The following ANKRD39 variants were observed in gnomAD, a reference collection of about 807,000 sequenced individuals.
ANKRD39 encodes ankyrin repeat domain 39.
In ANKRD39, 18 loss-of-function variants were observed where a neutral mutation model predicts 20.3. The ratio of observed to expected loss-of-function variants is 0.89; its 90% CI spans 0.61 to 1.32. The LOEUF (loss-of-function observed/expected upper bound fraction) is 1.32, where lower values mean the gene tolerates loss of function less well. ANKRD39 is among the 40% of genes most tolerant of loss of function. ANKRD39 has a pLI of 0.00. For synonymous variants in ANKRD39, 106 were observed against 111.9 expected (o/e 0.95, Z 0.33); for missense variants, 243 against 250.7 (o/e 0.97, Z 0.21).
chr2:96,856,933 G>GCTGC (rs1197347682), intron 1 of ANKRD39, among the ~76,000 whole-genome samples: 15 of 152,154 alleles, frequency 9.9e-5, no homozygotes, highest in Admixed American at 9.8e-4. Flanking sequence ...GTAGTGATTG[G>GCTGC]GGGAAGAAAA....
At position 96,848,246 on chromosome 2, in the gene ANKRD39, G is replaced by A; in HGVS notation, c.*55C>T. On this transcript the variant is annotated 3_prime_UTR_variant, in exon 4 of 4. Coordinates refer to ENST00000393537, the MANE Select transcript of ANKRD39 (RefSeq NM_016466.6). The stretch of plus-strand genomic sequence containing the variant: ...AGCATGGATGCTGACCAAGGCAGGG[G>A]CTTGGAGAACTGGTCTGTGTACCCT... 1 of 1,598,678 alleles carries A rather than the reference G, an allele frequency of 6.3e-7. No individual in the cohort carries two copies. The highest frequency in any genetic ancestry group is 8.6e-7 in the Non-Finnish European group (1 of 1,169,460).
chr2:96,853,645 G>A (rs2079849598), intron 2 of ANKRD39, 41 bp from the exon 3 acceptor site: 3 of 1,593,526 alleles, frequency 1.9e-6, no homozygotes, highest in Non-Finnish European at 2.6e-6. Flanking sequence ...GAGAAGCCAG[G>A]CAGGTGACAA....
intron 3 of ANKRD39, among the ~76,000 whole-genome samples, chr2:96,848,846 T>C (rs762376564): frequency 1.3e-5 from 2 of 151,980 alleles, no homozygotes; most frequent in Non-Finnish European, 2.9e-5. Context: ...CTCATGGAAA[T>C]AGACACAGCT....
At position 96,857,944 on chromosome 2, in the gene ANKRD39, T is replaced by G. The variant is rs1559026617; in HGVS notation, c.44A>C (p.His15Pro). 1 of 1,580,444 alleles carries G rather than the reference T, an allele frequency of 6.3e-7. No homozygotes were observed. The highest frequency in any genetic ancestry group is 2.3e-5 in the East Asian group (1 of 43,796). ...CTGTACGCCGAGCACCGCGCTGGGA[T>G]GCGAGCAGCAGGGCCCGTCCGCGCA... Reference protein sequence around the residue: ...RPCADGPCCSHPSAVLGVQQT... With the variant: ...RPCADGPCCSPPSAVLGVQQT... Residue 15 changes from histidine to proline, a missense_variant, in exon 1 of 4, where the codon CAT (histidine) becomes CCT (proline). Physicochemically the swap from His to Pro is moderately conservative, Grantham distance 77. Transcript: ENST00000393537.
chr2:96,857,469 G>A lies in ANKRD39; in HGVS notation c.100+419C>T, dbSNP rs75285891. Among the ~76,000 whole-genome samples the A allele has an allele frequency of 2.2e-3, 331 of 152,346 alleles. 13 individuals carry two copies. In the East Asian group the frequency reaches 0.055, roughly 25 times the overall value. On this transcript the variant is annotated intron_variant, in intron 1 of 3. Transcript: ENST00000393537. ...GCATGCAGGCTGCCTGGCACCCGGG[G>A]CTAAACAAAGGCCACTGCTCTCCTT...
At chr2:96,853,686 C>T in intron 2 of ANKRD39, 82 bp from the exon 3 acceptor site, 1 of 1,386,134 alleles carries the variant, frequency 7.2e-7, no homozygotes, top group Non-Finnish European at 1.0e-6. Context: ...CATGGCCTCC[C>T]TGCAGCGAGG....
In ANKRD39 at chr2:96,857,892, C is replaced by A; in HGVS notation, c.96G>T (p.Glu32Asp). The A allele has an allele frequency of 6.3e-7, 1 of 1,579,592 alleles. No homozygotes were observed. The highest frequency in any genetic ancestry group is 2.3e-5 in the East Asian group (1 of 43,770). Residue 32 changes from glutamate to aspartate, a missense_variant, in exon 1 of 4, where the codon GAG becomes GAT. Coordinates refer to ENST00000393537, the MANE Select transcript of ANKRD39 (RefSeq NM_016466.6). The stretch of plus-strand genomic sequence containing the variant: ...AGGGCCGCGCGGCAGCCTCACCCCT[C>A]TCGAAGTCCATCTCCTCCAGCGTCT... ...VQQTLEEMDF[E>D]RGIWSAALNG...
chr2:96,854,512 T>C (rs1482399435), intron 1 of ANKRD39, 71 bp from the exon 2 acceptor site: 12 of 1,400,716 alleles, frequency 8.6e-6, no homozygotes, highest in Non-Finnish European at 1.2e-5. Context: ...CCTCTTGACC[T>C]CAGTTTTCTT....
At chr2:96,854,169 C>T (rs1204608987) in intron 2 of ANKRD39, among the ~76,000 whole-genome samples, 169 bp downstream of exon 2, 1 of 152,090 alleles carries the variant, frequency 6.6e-6, no homozygotes. Flanking sequence ...AGGTCTCACA[C>T]TAATTTAAAA....
At chr2:96,855,360 G>C (rs963827559) in intron 1 of ANKRD39, among the ~76,000 whole-genome samples, 36 of 152,196 alleles carry the variant, frequency 2.4e-4, no homozygotes, top group Non-Finnish European at 1.3e-4. Flanking sequence ...ATGGGTCAAA[G>C]AGTACTGCAG....
chr2:96,853,392 C>T lies in ANKRD39; in HGVS notation c.408+9G>A, dbSNP rs553747407. The T allele has an allele frequency of 1.3e-5, 20 of 1,563,626 alleles. No individual in the cohort carries two copies. The highest frequency in any genetic ancestry group is 2.7e-5 in the African/African-American group (2 of 73,470). On this transcript the variant is annotated intron_variant, in intron 3 of 3. Coordinates refer to ENST00000393537, the MANE Select transcript of ANKRD39 (RefSeq NM_016466.6). Reference sequence around the variant, plus strand: ...GAAACGACATTTTTGGAAGGGGGAACGGGCCCACCTTATGCAGACTGGTCA... The same window carrying T: ...GAAACGACATTTTTGGAAGGGGGAATGGGCCCACCTTATGCAGACTGGTCA...
chr2:96,853,505 G>T lies in ANKRD39; in HGVS notation c.304C>A (p.His102Asn). The T allele has an allele frequency of 6.2e-7, 1 of 1,613,344 alleles. No individual in the cohort carries two copies. The highest frequency in any genetic ancestry group is 8.5e-7 in the Non-Finnish European group (1 of 1,179,800). ...AQTHGGATAL[H>N]RASYCGHTEI... ...GTGTGCCCGCAGTAGCTGGCTCGGTGCAGAGCAGTGGCACCCCCGTGGGTC... is the reference window on the plus strand; with the variant it reads ...GTGTGCCCGCAGTAGCTGGCTCGGTTCAGAGCAGTGGCACCCCCGTGGGTC... The change falls in exon 3 of 4, where the codon CAC becomes AAC. Residue 102 changes from histidine to asparagine, a missense_variant. By Grantham distance (68) the His-to-Asn change is moderately conservative (BLOSUM62 1). Coordinates refer to ENST00000393537, the MANE Select transcript of ANKRD39 (RefSeq NM_016466.6).
intron 3 of ANKRD39, among the ~76,000 whole-genome samples, chr2:96,852,900 C>A (rs903360831): frequency 1.3e-5 from 2 of 151,936 alleles, no homozygotes; most frequent in African/African-American, 4.8e-5. Context: ...AGACCCCATT[C>A]CCCACAAAAA....
intron 3 of ANKRD39, among the ~76,000 whole-genome samples, chr2:96,851,719 A>G (rs1444904091): frequency 6.6e-6 from 1 of 152,154 alleles, no homozygotes; most frequent in African/African-American, 2.4e-5. Flanking sequence ...CTAGGCATAC[A>G]TCCAGGTGAG....
intron 1 of ANKRD39, among the ~76,000 whole-genome samples, chr2:96,854,772 C>T (rs1310651771): frequency 6.6e-6 from 1 of 152,096 alleles, no homozygotes; most frequent in African/African-American, 2.4e-5. Flanking sequence ...TACAGGCGCC[C>T]ACCACCATGC....
intron 3 of ANKRD39, among the ~76,000 whole-genome samples, chr2:96,852,370 G>A: frequency 8.5e-6 from 1 of 117,836 alleles, no homozygotes; most frequent in Non-Finnish European, 1.6e-5. Flanking sequence ...CTGGGTGACA[G>A]AGTGAGACCC....
intron 1 of ANKRD39, 39 bp from the exon 2 acceptor site, chr2:96,854,480 G>A (rs764365733): frequency 1.3e-6 from 2 of 1,590,748 alleles, no homozygotes; most frequent in African/African-American, 1.3e-5. Context: ...GATGCTGAAT[G>A]GGAGTTTCAG....
In ANKRD39 at chr2:96,853,480, G is replaced by A. The variant is rs780441674; in HGVS notation, c.329C>T (p.Thr110Ile). The A allele has an allele frequency of 1.9e-6, 3 of 1,610,410 alleles. No individual in the cohort carries two copies. The African/African-American group carries it at 4.0e-5, about 22-fold the overall frequency. The change falls in exon 3 of 4, where the codon ACT (threonine) becomes ATT (isoleucine). Residue 110 changes from threonine (T) to isoleucine (I), a missense_variant. By Grantham distance (89) the Thr-to-Ile change is moderately conservative. Transcript: ENST00000393537. ...ALHRASYCGHTEIARLLLSHG... is the reference protein window; with the variant it reads ...ALHRASYCGHIEIARLLLSHG... ...TGATAGCAGGAGCCGCGCGATTTCAGTGTGCCCGCAGTAGCTGGCTCGGTG... is the reference window on the plus strand; with the variant it reads ...TGATAGCAGGAGCCGCGCGATTTCAATGTGCCCGCAGTAGCTGGCTCGGTG...
chr2:96,852,573 A>G (rs1294588844), intron 3 of ANKRD39, among the ~76,000 whole-genome samples: 35 of 151,546 alleles, frequency 2.3e-4, no homozygotes. Context: ...AACCTTCACA[A>G]TAACTCATGG....
Sources: allele counts gnomAD v4.1 joint callset (sites outside exome capture counted in the v4.1 genomes callset), GRCh38; gene constraint gnomAD v4.1.1; transcripts MANE v1.5; gene names NCBI Gene and HGNC (gene_info 2026-07-23, HGNC 2026-07-21).